CDYL2: variants seen among roughly 807,000 people sequenced by gnomAD.
CDYL2 encodes the protein chromodomain Y like 2, also known as chromodomain Y-like protein 2.
A neutral mutation model predicts 49.4 loss-of-function variants in CDYL2; 23 were observed. The observed-to-expected ratio is 0.47, with a 90% CI of 0.34 to 0.66. CDYL2 has a LOEUF of 0.66. Ranked by LOEUF, CDYL2 falls within the 30% of genes least tolerant of loss-of-function variation. The pLI is 0.01. For synonymous variants in CDYL2, 360 were observed against 268.8 expected, an observed-to-expected ratio of 1.34 and a Z score of -3.32; for missense variants, 678 against 656.4, an observed-to-expected ratio of 1.03 and a Z score of -0.36.
rs184196383 is a variant in CDYL2, at chr16:80,737,090, A to G, written c.25-51961T>C. On this transcript the variant is annotated intron_variant, in intron 1 of 6. Coordinates refer to ENST00000570137, the MANE Select transcript of CDYL2 (RefSeq NM_152342.4). ...TTCATGCCCCCTTTGCAGGCAGATC[A>G]GTTTCAGGACAGCCTGTAGGAAAAC... is the stretch of plus-strand genomic sequence containing the variant. Among the ~76,000 whole-genome samples, 206 of 152,286 alleles carry G rather than the reference A, an allele frequency of 1.4e-3. 2 individuals are homozygous for G. Among genetic ancestry groups the G allele is most frequent in the African/African-American group, 4.8e-3 (200 of 41,566 alleles).
chr16:80,769,587 A>G (rs1906839199), intron 1 of CDYL2, among the ~76,000 whole-genome samples: 1 of 152,166 alleles, frequency 6.6e-6, no homozygotes, highest in Non-Finnish European at 1.5e-5. Context: ...TCAGCAGACA[A>G]TGTAAGCTTC....
intron 1 of CDYL2, among the ~76,000 whole-genome samples, chr16:80,741,711 G>C (rs1465673051): frequency 6.6e-6 from 1 of 152,136 alleles, no homozygotes; most frequent in Non-Finnish European, 1.5e-5. Context: ...AAATTCACCA[G>C]TAATAAAAGT....
Position 80,693,361 on chromosome 16 carries a change from G to A in CDYL2, c.25-8232C>T, listed in dbSNP as rs142138878. On this transcript the variant is annotated intron_variant, in intron 1 of 6. Transcript: ENST00000570137. The stretch of plus-strand genomic sequence containing the variant: ...AGGAAATATGCATTTCAAATCAAAT[G>A]AGAAGATGGAAATAAGGTCTATATT... 2.2e-3 allele frequency among the ~76,000 whole-genome samples: 336 copies of A among 152,194 alleles called. 1 individual carries two copies. Among genetic ancestry groups the A allele is most frequent in the Non-Finnish European group, 3.0e-3 (206 of 68,010 alleles).
chr16:80,659,490 C>A (rs1908952874), intron 2 of CDYL2, among the ~76,000 whole-genome samples: 2 of 151,904 alleles, frequency 1.3e-5, no homozygotes, highest in African/African-American at 2.4e-5. Flanking sequence ...AAAAGAATAT[C>A]CTTTTATAAA....
In CDYL2 at chr16:80,745,554, T is replaced by G. The variant is rs575980828; in HGVS notation, c.24+58596A>C. Among the ~76,000 whole-genome samples, 71 of 152,258 alleles carry G rather than the reference T, an allele frequency of 4.7e-4. 1 individual carries two copies. The highest frequency in any genetic ancestry group is 1.6e-3 in the African/African-American group (67 of 41,562). Reference sequence around the variant, plus strand: ...AACAGTACCCCCTTCATGGAGTTGGTGTGAGGATTAAAACACTTCAAATGA... The same window carrying G: ...AACAGTACCCCCTTCATGGAGTTGGGGTGAGGATTAAAACACTTCAAATGA... On this transcript the variant is annotated intron_variant, in intron 1 of 6. Transcript: ENST00000570137.
intron 1 of CDYL2, among the ~76,000 whole-genome samples, chr16:80,794,381 G>C (rs563604025): frequency 3.3e-5 from 5 of 152,162 alleles, no homozygotes; most frequent in African/African-American, 1.2e-4. Flanking sequence ...ATTTTTCTAA[G>C]AACACTGAAG....
chr16:80,741,579 A>T (rs1405544433), intron 1 of CDYL2, among the ~76,000 whole-genome samples: 1 of 152,198 alleles, frequency 6.6e-6, no homozygotes, highest in Admixed American at 6.5e-5. Flanking sequence ...ATTAATGGAA[A>T]AGGTCACGAA....
intron 3 of CDYL2, among the ~76,000 whole-genome samples, chr16:80,621,449 G>A (rs1328491052): frequency 6.6e-6 from 1 of 152,224 alleles, no homozygotes; most frequent in Non-Finnish European, 1.5e-5. Flanking sequence ...ATCCAGACCT[G>A]GGTTCAGTGT....
intron 2 of CDYL2, among the ~76,000 whole-genome samples, chr16:80,671,804 G>C (rs1385431755): frequency 6.6e-6 from 1 of 152,176 alleles, no homozygotes; most frequent in African/African-American, 2.4e-5. Context: ...TTTTTGGATG[G>C]AGTTAGAAGG....
At chr16:80,640,030 G>A (rs1363447222) in intron 2 of CDYL2, among the ~76,000 whole-genome samples, 2 of 152,114 alleles carry the variant, frequency 1.3e-5, no homozygotes, top group East Asian at 3.9e-4. Flanking sequence ...AACCTGAAAG[G>A]TGGTCTAGGC....
intron 1 of CDYL2, among the ~76,000 whole-genome samples, chr16:80,740,856 AG>A (rs150366124): frequency 0.029 from 4,330 of 151,646 alleles, 203 homozygotes; most frequent in African/African-American, 0.097. Flanking sequence ...AAAAAAAAAA[AG>A]AGGTTTTACC....
At chr16:80,719,596 C>A (rs1271828113) in intron 1 of CDYL2, among the ~76,000 whole-genome samples, 1 of 152,144 alleles carries the variant, frequency 6.6e-6, no homozygotes, top group Non-Finnish European at 1.5e-5. Flanking sequence ...TGGGGCCTAG[C>A]CAACAACTTA....
chr16:80,681,122 T>C (rs970831952), intron 2 of CDYL2, among the ~76,000 whole-genome samples: 2 of 152,116 alleles, frequency 1.3e-5, no homozygotes, highest in African/African-American at 4.8e-5. Flanking sequence ...GAGTAACATG[T>C]TACATAAGTT....
At chr16:80,762,508 A>G (rs1906567256) in intron 1 of CDYL2, among the ~76,000 whole-genome samples, 1 of 152,220 alleles carries the variant, frequency 6.6e-6, no homozygotes, top group East Asian at 1.9e-4. Flanking sequence ...GTCAGATGGC[A>G]TCAAGTCATT....
At position 80,604,106 on chromosome 16, in the gene CDYL2, G is replaced by T; in HGVS notation, c.*282C>A. The stretch of plus-strand genomic sequence containing the variant: ...CCGTCATGGTGCATTTCAGCAAGTG[G>T]GGAAAGGACAGCGGTGCTTGGCGGA... On this transcript the variant is annotated 3_prime_UTR_variant, in exon 7 of 7. Transcript: ENST00000570137. The T allele has an allele frequency of 2.3e-6, 1 of 438,638 alleles. No individual in the cohort carries two copies. The highest frequency in any genetic ancestry group is 3.0e-5 in the South Asian group (1 of 33,190). 27.2% of individuals were successfully genotyped at this position (438,638 alleles called of 1,614,324 possible). A position where few individuals can be genotyped will look rare whatever the true frequency, so the allele number is the denominator to read the frequency against.
chr16:80,693,948 G>C (rs1181748801), intron 1 of CDYL2, among the ~76,000 whole-genome samples: 1 of 152,122 alleles, frequency 6.6e-6, no homozygotes, highest in East Asian at 1.9e-4. Context: ...CAGGGAAAAG[G>C]AGCTGACCCA....
chr16:80,660,638 A>G (rs936367441), intron 2 of CDYL2, among the ~76,000 whole-genome samples: 2 of 152,240 alleles, frequency 1.3e-5, no homozygotes, highest in African/African-American at 4.8e-5. Context: ...CAATAATTAC[A>G]TTATTCTGTG....
At chr16:80,636,338 C>T (rs1393254900) in intron 2 of CDYL2, among the ~76,000 whole-genome samples, 2 of 152,190 alleles carry the variant, frequency 1.3e-5, no homozygotes, top group East Asian at 3.9e-4. Flanking sequence ...CCAGAATCTA[C>T]AAGGAACTTA....
At chr16:80,781,370 G>C (rs905938161) in intron 1 of CDYL2, among the ~76,000 whole-genome samples, 17 of 152,098 alleles carry the variant, frequency 1.1e-4, no homozygotes, top group African/African-American at 4.1e-4. Flanking sequence ...TCTAACAACA[G>C]AGCCCCCAAA....
Sources: gnomAD v4.1 joint callset for allele counts (sites outside exome capture counted in the v4.1 genomes callset) on GRCh38, gnomAD v4.1.1 for gene constraint, MANE v1.5 for transcripts, NCBI Gene and HGNC (gene_info 2026-07-23, HGNC 2026-07-21) for gene names.